Variants in CHRM3 observed in about 807,000 individuals in gnomAD.
CHRM3 encodes cholinergic receptor muscarinic 3.
CHRM3 carries 11 observed loss-of-function variants against 41.8 expected under a neutral mutation model. The observed-to-expected ratio is 0.26, with a 90% CI of 0.17 to 0.44. CHRM3 has a LOEUF of 0.44. Ranked by LOEUF, CHRM3 falls within the 20% of genes least tolerant of loss-of-function variation. The probability of loss-of-function intolerance (pLI) is 1.00; values close to 1 mark genes in which losing one functional copy is unlikely to be tolerated. For missense variants in CHRM3, 571 were observed against 745.4 expected (o/e 0.77, Z 2.72); for synonymous variants, 297 against 301.4 (o/e 0.99, Z 0.15).
chr1:239,505,447 G>T (rs1166921553), intron 2 of CHRM3, among the ~76,000 whole-genome samples: 1 of 152,134 alleles, frequency 6.6e-6, no homozygotes, highest in African/African-American at 2.4e-5. Flanking sequence ...AGTCTCATCA[G>T]ATCTGATGGT....
At chr1:239,617,758 T>C (rs1012260999) in intron 3 of CHRM3, among the ~76,000 whole-genome samples, 1 of 152,098 alleles carries the variant, frequency 6.6e-6, no homozygotes, top group African/African-American at 2.4e-5. Flanking sequence ...TATTAAAATA[T>C]CTATAGTTTT....
intron 3 of CHRM3, among the ~76,000 whole-genome samples, chr1:239,590,846 G>T (rs1278813410): frequency 6.6e-6 from 1 of 151,958 alleles, no homozygotes; most frequent in Non-Finnish European, 1.5e-5. Context: ...ACAGATAAAA[G>T]ACAAGAGACT....
At chr1:239,429,361 C>A (rs568509880) in intron 1 of CHRM3, among the ~76,000 whole-genome samples, 178 of 152,266 alleles carry the variant, frequency 1.2e-3, no homozygotes, top group African/African-American at 4.1e-3. Context: ...ATGACAAATA[C>A]TGATTGAACT....
At chr1:239,653,204 A>G (rs1573141309) in intron 4 of CHRM3, among the ~76,000 whole-genome samples, 1 of 152,248 alleles carries the variant, frequency 6.6e-6, no homozygotes, top group East Asian at 1.9e-4. Context: ...AAAATTCCTA[A>G]GAGGAGGCAT....
intron 5 of CHRM3, among the ~76,000 whole-genome samples, chr1:239,784,431 G>A (rs1031999101): frequency 2.6e-5 from 4 of 151,398 alleles, no homozygotes; most frequent in Admixed American, 6.6e-5. Context: ...TTTAGTGGTC[G>A]CCTTAAAGTG....
rs112567858 is a variant in CHRM3 at position 239,409,801 on chromosome 1, G to A, written c.-521+22574G>A. 8.5e-3 allele frequency among the ~76,000 whole-genome samples: 1,300 copies of A among 152,222 alleles called. 15 individuals are homozygous for A. Among genetic ancestry groups the A allele is most frequent in the African/African-American group, 0.03 (1,246 of 41,532 alleles). The stretch of plus-strand genomic sequence containing the variant: ...ACTAAAAATACAAAAAATTACCCGG[G>A]CGTGGTTGCGGGCGCCTGTAGTCCC... On this transcript the variant is annotated intron_variant, in intron 1 of 6. Coordinates refer to ENST00000676153, the MANE Select transcript of CHRM3 (RefSeq NM_001375978.1).
intron 1 of CHRM3, among the ~76,000 whole-genome samples, chr1:239,489,070 C>T (rs1667384091): frequency 1.3e-5 from 2 of 152,132 alleles, no homozygotes; most frequent in African/African-American, 4.8e-5. Context: ...CGATCTTCTG[C>T]AGCTAGAGAA....
At chr1:239,828,689 G>C (rs1244789949) in intron 6 of CHRM3, among the ~76,000 whole-genome samples, 1 of 152,068 alleles carries the variant, frequency 6.6e-6, no homozygotes, top group South Asian at 2.1e-4. Flanking sequence ...CAAGGGGAGA[G>C]GGGTATGAGA....
In CHRM3 at chr1:239,522,041, T is replaced by TTTTCTTTTC. The variant is rs71166877; in HGVS notation, c.-421-23597_-421-23596insCTTTTCTTT. Reference sequence around the variant, plus strand: ...TATTGTTTTCTTTTCTTTTCTTTTCTTTTTTGCCATAGTGCTCTTCTTACA... The same window carrying TTTTCTTTTC: ...TATTGTTTTCTTTTCTTTTCTTTTCTTTTCTTTTCTTTTTGCCATAGTGCTCTTCTTACA... On this transcript the variant is annotated intron_variant, in intron 2 of 6. Coordinates refer to ENST00000676153, the MANE Select transcript of CHRM3 (RefSeq NM_001375978.1). Among the ~76,000 whole-genome samples the TTTTCTTTTC allele has an allele frequency of 4.9e-3, 733 of 150,496 alleles. 7 individuals are homozygous for TTTTCTTTTC. Among genetic ancestry groups the TTTTCTTTTC allele is most frequent in the African/African-American group, 0.014 (587 of 41,074 alleles).
intron 3 of CHRM3, among the ~76,000 whole-genome samples, chr1:239,619,160 T>C (rs983788236): frequency 2.6e-5 from 4 of 152,000 alleles, no homozygotes; most frequent in Non-Finnish European, 4.4e-5. Context: ...GGTGATCCAC[T>C]GGCCTCAGCC....
intron 5 of CHRM3, among the ~76,000 whole-genome samples, chr1:239,824,139 C>T (rs185795516): frequency 3.1e-4 from 47 of 152,180 alleles, no homozygotes; most frequent in African/African-American, 1.0e-3. Flanking sequence ...CTTGTGCCAT[C>T]GTATCACACA....
At chr1:239,420,660 T>C (rs1003849977) in intron 1 of CHRM3, among the ~76,000 whole-genome samples, 2 of 152,188 alleles carry the variant, frequency 1.3e-5, no homozygotes, top group African/African-American at 4.8e-5. Flanking sequence ...ATACCCTCTA[T>C]CTTTTATGAT....
chr1:239,396,299 G>C (rs977751744), intron 1 of CHRM3, among the ~76,000 whole-genome samples: 1 of 152,036 alleles, frequency 6.6e-6, no homozygotes, highest in Non-Finnish European at 1.5e-5. Context: ...CTAGTGCAGA[G>C]TCTTCTTCAT....
chr1:239,874,757 G>T (rs574975388), intron 6 of CHRM3, among the ~76,000 whole-genome samples: 1 of 151,690 alleles, frequency 6.6e-6, no homozygotes, highest in Non-Finnish European at 1.5e-5. Context: ...GGAGTGCAAT[G>T]GCGTGATCTC....
chr1:239,688,359 C>T (rs967864180), intron 5 of CHRM3, among the ~76,000 whole-genome samples: 13 of 142,408 alleles, frequency 9.1e-5, no homozygotes, highest in African/African-American at 2.6e-4. Flanking sequence ...TATATATTCC[C>T]GTTAATTTGA....
In CHRM3 at chr1:239,556,454, A is replaced by G. The variant is rs115152983; in HGVS notation, c.-313+10705A>G. On this transcript the variant is annotated intron_variant, in intron 3 of 6. Transcript: ENST00000676153. ...AGAGAAACACAAGTAGTGTCTCAAG[A>G]TTAAGTTGCCCTTTTTTTCCACTAC... is the stretch of plus-strand genomic sequence containing the variant. Among the ~76,000 whole-genome samples the G allele has an allele frequency of 4.5e-3, 678 of 152,342 alleles. 10 individuals carry two copies. The highest frequency in any genetic ancestry group is 0.016 in the African/African-American group (646 of 41,578).
chr1:239,848,296 T>C (rs1235513328), intron 6 of CHRM3, among the ~76,000 whole-genome samples: 2 of 152,132 alleles, frequency 1.3e-5, no homozygotes, highest in African/African-American at 4.8e-5. Context: ...ATTCTGGAAA[T>C]GTGTTGACCT....
intron 1 of CHRM3, among the ~76,000 whole-genome samples, chr1:239,422,996 G>C (rs1355298443): frequency 6.6e-6 from 1 of 152,132 alleles, no homozygotes; most frequent in Admixed American, 6.6e-5. Context: ...TAAGTTCTGA[G>C]TGCCAGTTTT....
chr1:239,874,299 A>ATATATATATATATACACAG (rs1553291962), intron 6 of CHRM3, among the ~76,000 whole-genome samples: 4 of 116,666 alleles, frequency 3.4e-5, no homozygotes, highest in Admixed American at 1.8e-4. Context: ...ATATATATAT[A>ATATATATATATATACACAG]TATATATATA....
Sources: allele counts gnomAD v4.1 joint callset (sites outside exome capture counted in the v4.1 genomes callset), GRCh38; gene constraint gnomAD v4.1.1; transcripts MANE v1.5; gene names NCBI Gene and HGNC (gene_info 2026-07-23, HGNC 2026-07-21).